Variants in C10orf143 observed in about 807,000 individuals in gnomAD.
The protein encoded by C10orf143 is chromosome 10 open reading frame 143.
chr10:130,085,629 T>C (rs998452350), intron 1 of C10orf143, among the ~76,000 whole-genome samples: 4 of 152,192 alleles, frequency 2.6e-5, no homozygotes, highest in South Asian at 4.1e-4. Context: ...ATAAGGTCTA[T>C]AGTTAACAGT....
chr10:130,094,460 T>C (rs567804894), intron 1 of C10orf143, among the ~76,000 whole-genome samples: 1 of 152,298 alleles, frequency 6.6e-6, no homozygotes, highest in Non-Finnish European at 1.5e-5. Flanking sequence ...TGATGAACAT[T>C]GATGTGAAAA....
chr10:130,110,507 A>G (rs937403189), intron 1 of C10orf143, among the ~76,000 whole-genome samples, 197 bp downstream of exon 1: 1 of 152,194 alleles, frequency 6.6e-6, no homozygotes, highest in Non-Finnish European at 1.5e-5. Context: ...AAACCGGGAG[A>G]GCGGCGTCAC....
At chr10:130,109,564 T>C (rs1861724154) in intron 1 of C10orf143, among the ~76,000 whole-genome samples, 1 of 152,182 alleles carries the variant, frequency 6.6e-6, no homozygotes, top group Non-Finnish European at 1.5e-5. Flanking sequence ...GCTATATTAC[T>C]GTACTATACT....
chr10:130,082,190 T>G (rs1364982098), intron 1 of C10orf143, among the ~76,000 whole-genome samples: 2 of 152,050 alleles, frequency 1.3e-5, no homozygotes, highest in African/African-American at 4.8e-5. Context: ...CTTCTTTTTT[T>G]TTTTAGAGAT....
At chr10:130,081,004 A>G (rs1196726258) in intron 1 of C10orf143, among the ~76,000 whole-genome samples, 1 of 152,232 alleles carries the variant, frequency 6.6e-6, no homozygotes, top group Non-Finnish European at 1.5e-5. Flanking sequence ...GGACCTAAGG[A>G]TATTAAATCG....
intron 1 of C10orf143, among the ~76,000 whole-genome samples, chr10:130,103,323 G>T (rs1026786454): frequency 6.6e-6 from 1 of 152,024 alleles, no homozygotes; most frequent in Non-Finnish European, 1.5e-5. Context: ...TGGGTATTTA[G>T]TTTTATCTCT....
intron 1 of C10orf143, 22 bp downstream of exon 1, chr10:130,110,682 C>T (rs1412733705): frequency 5.0e-6 from 2 of 398,654 alleles, no homozygotes; most frequent in African/African-American, 4.1e-5. Flanking sequence ...CCGTCCCTAA[C>T]GCCCAGGCCC....
intron 3 of C10orf143, among the ~76,000 whole-genome samples, chr10:130,040,990 G>A (rs932155615): frequency 2.0e-5 from 3 of 152,232 alleles, no homozygotes; most frequent in Admixed American, 1.3e-4. Context: ...GGATCTTAGT[G>A]AGGGCCCCCG....
chr10:130,101,188 C>T (rs571360194), intron 1 of C10orf143: 4 of 151,502 alleles, frequency 2.6e-5, no homozygotes, highest in African/African-American at 9.7e-5. Flanking sequence ...GACTGTACTC[C>T]AGCCTGGGCA....
chr10:130,108,345 T>A, intron 1 of C10orf143: 1 of 1,382,416 alleles, frequency 7.2e-7, no homozygotes, highest in Non-Finnish European at 1.0e-6. Flanking sequence ...AGACCTGGAT[T>A]TTTCCCCCGA....
intron 3 of C10orf143, among the ~76,000 whole-genome samples, chr10:130,051,312 T>C (rs669692): frequency 9.3e-4 from 72 of 77,138 alleles, no homozygotes; most frequent in African/African-American, 1.8e-3. Flanking sequence ...CTCCCTCTCC[T>C]ACCCCCGCCT....
At chr10:130,102,779 CT>C (rs1861578285) in intron 1 of C10orf143, among the ~76,000 whole-genome samples, 1 of 152,066 alleles carries the variant, frequency 6.6e-6, no homozygotes, top group Non-Finnish European at 1.5e-5. Flanking sequence ...GATGAATTGA[CT>C]TTTTTAATCA....
chr10:130,082,614 C>T (rs768177812), intron 1 of C10orf143, among the ~76,000 whole-genome samples: 6 of 152,186 alleles, frequency 3.9e-5, no homozygotes, highest in Admixed American at 6.5e-5. Context: ...CCACGTAAGA[C>T]GTGCCATTCA....
chr10:130,110,589 C>T (rs2134830560), intron 1 of C10orf143, 115 bp downstream of exon 1: 1 of 397,718 alleles, frequency 2.5e-6, no homozygotes, highest in Middle Eastern at 6.3e-4. Flanking sequence ...GTGCGAGTGT[C>T]TTGGGCCAGG....
downstream of C10orf143, among the ~76,000 whole-genome samples, chr10:130,059,514 G>T (rs527434707): frequency 2.6e-5 from 4 of 152,308 alleles, no homozygotes; most frequent in East Asian, 7.7e-4. Context: ...CCAAAAAGCA[G>T]TGTGTGGCAT....
chr10:130,035,335 T>C (rs1375167604), intron 4 of C10orf143, among the ~76,000 whole-genome samples: 1 of 152,192 alleles, frequency 6.6e-6, no homozygotes, highest in Non-Finnish European at 1.5e-5. Flanking sequence ...GCATATTGGA[T>C]TAGGACCCAC....
chr10:130,057,901 G>C (rs888630940), intron 3 of C10orf143, among the ~76,000 whole-genome samples: 47 of 152,332 alleles, frequency 3.1e-4, no homozygotes, highest in African/African-American at 1.1e-3. Context: ...AGGAGCCCCA[G>C]GCAGGCAGCC....
At chr10:130,080,286 A>T (rs1032167553) in intron 1 of C10orf143, among the ~76,000 whole-genome samples, 11 of 152,238 alleles carry the variant, frequency 7.2e-5, no homozygotes, top group Non-Finnish European at 1.0e-4. Flanking sequence ...CTTTCTTAAT[A>T]CAATATGAAT....
chr10:130,053,277 T>G (rs1321412081), intron 3 of C10orf143, among the ~76,000 whole-genome samples: 1 of 152,180 alleles, frequency 6.6e-6, no homozygotes, highest in East Asian at 1.9e-4. Flanking sequence ...GCCAGGATGG[T>G]CTCGATCTCC....
Sources: allele counts gnomAD v4.1 joint callset (sites outside exome capture counted in the v4.1 genomes callset), GRCh38; gene constraint gnomAD v4.1.1; transcripts MANE v1.5; gene names NCBI Gene and HGNC (gene_info 2026-07-23, HGNC 2026-07-21).